Variants in DPYD observed in about 807,000 individuals in gnomAD.
DPYD encodes dihydropyrimidine dehydrogenase.
In DPYD, 109 loss-of-function variants were observed where a neutral mutation model predicts 116.2. The observed-to-expected ratio is 0.94, with a 90% confidence interval of 0.80 to 1.10. The LOEUF (loss-of-function observed/expected upper bound fraction) is 1.10, where lower values mean the gene tolerates loss of function less well. DPYD is among the 50% of genes least tolerant of loss of function. The pLI is 0.00. For missense variants in DPYD, 1,302 were observed against 1,254.5 expected (o/e 1.04, Z -0.57); for synonymous variants, 440 against 432.0 (o/e 1.02, Z -0.23).
chr1:97,752,195 T>G (rs1380358184), intron 3 of DPYD, among the ~76,000 whole-genome samples: 2 of 151,960 alleles, frequency 1.3e-5, no homozygotes, highest in Non-Finnish European at 2.9e-5. Flanking sequence ...AACTGTTGAG[T>G]TTCATGTGTG....
At chr1:97,368,697 ACTC>A (rs1292224769) in intron 16 of DPYD, among the ~76,000 whole-genome samples, 1 of 152,140 alleles carries the variant, frequency 6.6e-6, no homozygotes. Flanking sequence ...GTTCAGTAGA[ACTC>A]CTGGGGAAGG....
Position 97,883,367 on chromosome 1 carries a change from A to G in DPYD, c.47T>C (p.Leu16Pro), listed in dbSNP as rs764555085. 2 of 1,603,438 alleles carry G rather than the reference A, an allele frequency of 1.2e-6. No homozygotes were observed. Among genetic ancestry groups the G allele is most frequent in the Non-Finnish European group, 1.7e-6 (2 of 1,170,592 alleles). ...SKDSADIESI[L>P]ALNPRTQTHA... ...AGTTTGTGTTCGAGGATTTAAAGCC[A>G]GGATACTCTAAAGACAGCATAAACA... Residue 16 changes from leucine (L) to proline (P), a missense_variant, in exon 2 of 23, where the codon CTG becomes CCG. Leu to Pro is a moderately conservative substitution (Grantham distance 98). Transcript: ENST00000370192.
At chr1:97,451,064 T>C (rs927869548) in intron 13 of DPYD, among the ~76,000 whole-genome samples, 3 of 152,170 alleles carry the variant, frequency 2.0e-5, no homozygotes, top group Non-Finnish European at 4.4e-5. Context: ...GAATTAGTCA[T>C]TTAAGTACCC....
rs566707682 is a variant in DPYD, at chr1:97,805,435, A to T, written c.233+22679T>A. Among the ~76,000 whole-genome samples, 7 of 152,036 alleles carry T rather than the reference A, an allele frequency of 4.6e-5. No individual in the cohort carries two copies. In the South Asian group the frequency reaches 1.5e-3, roughly 32 times the overall value. ...ATTTTGCTTGAAATAAACAAAACAG[A>T]AAGTAAATTATTTTAAAAAGCACAG... On this transcript the variant is annotated intron_variant, in intron 3 of 22. Coordinates refer to ENST00000370192, the MANE Select transcript of DPYD (RefSeq NM_000110.4).
intron 13 of DPYD, among the ~76,000 whole-genome samples, chr1:97,486,423 C>T (rs768989821): frequency 1.3e-5 from 2 of 152,018 alleles, no homozygotes; most frequent in Admixed American, 6.6e-5. Flanking sequence ...TATGACAGAT[C>T]GTTCATAAGT....
chr1:97,293,982 C>T (rs1178246920), intron 18 of DPYD, among the ~76,000 whole-genome samples: 2 of 151,986 alleles, frequency 1.3e-5, no homozygotes, highest in Admixed American at 1.3e-4. Context: ...CTAAATGCTC[C>T]TGCTTGTATG....
intron 13 of DPYD, among the ~76,000 whole-genome samples, chr1:97,464,238 C>CAAAATAAAATAAAATAAAAT (rs145868186): frequency 0.04 from 5,609 of 138,592 alleles, 134 homozygotes; most frequent in Non-Finnish European, 0.058. Flanking sequence ...GACTCTGTCT[C>CAAAATAAAATAAAATAAAAT]AAAATAAAAT....
At chr1:97,471,734 C>T (rs904656502) in intron 13 of DPYD, among the ~76,000 whole-genome samples, 3 of 151,978 alleles carry the variant, frequency 2.0e-5, no homozygotes, top group East Asian at 3.9e-4. Context: ...GGATTACAGG[C>T]GCCCACCACC....
chr1:97,119,972 G>T (rs972562895), intron 20 of DPYD, among the ~76,000 whole-genome samples: 1 of 152,070 alleles, frequency 6.6e-6, no homozygotes, highest in Non-Finnish European at 1.5e-5. Flanking sequence ...CCACACAAAA[G>T]CTAAACGAAG....
chr1:97,369,701 G>A (rs1043161615), intron 16 of DPYD, among the ~76,000 whole-genome samples: 3 of 152,134 alleles, frequency 2.0e-5, no homozygotes, highest in South Asian at 4.1e-4. Context: ...AAAGCCGAAT[G>A]ATATTTTCAC....
chr1:97,519,154 T>G (rs2101985549), intron 12 of DPYD, among the ~76,000 whole-genome samples: 1 of 152,302 alleles, frequency 6.6e-6, no homozygotes, highest in South Asian at 2.1e-4. Context: ...TAGTTCATTT[T>G]TACACTGCTG....
chr1:97,608,253 A>G (rs1167960797), intron 8 of DPYD, among the ~76,000 whole-genome samples: 1 of 152,064 alleles, frequency 6.6e-6, no homozygotes, highest in African/African-American at 2.4e-5. Flanking sequence ...TTCTGAGTAA[A>G]TAATATAAAA....
At chr1:97,124,514 T>C (rs1196948593) in intron 20 of DPYD, among the ~76,000 whole-genome samples, 1 of 152,150 alleles carries the variant, frequency 6.6e-6, no homozygotes, top group African/African-American at 2.4e-5. Context: ...TAGGTCAGTG[T>C]CCACATAATA....
intron 16 of DPYD, among the ~76,000 whole-genome samples, chr1:97,371,296 G>A (rs778517553): frequency 3.9e-5 from 6 of 152,194 alleles, no homozygotes; most frequent in East Asian, 1.9e-4. Context: ...TGTCTAATTC[G>A]TGAAGCAAAT....
At chr1:97,398,399 T>A (rs1470771934) in intron 14 of DPYD, among the ~76,000 whole-genome samples, 2 of 152,208 alleles carry the variant, frequency 1.3e-5, no homozygotes, top group African/African-American at 4.8e-5. Context: ...TAGTGCCACA[T>A]TAAACATATG....
At chr1:97,268,201 G>A (rs886072119) in intron 18 of DPYD, among the ~76,000 whole-genome samples, 2 of 152,222 alleles carry the variant, frequency 1.3e-5, no homozygotes, top group East Asian at 1.9e-4. Context: ...CCTAGGGATT[G>A]GGCAGCCCTG....
At chr1:97,516,523 T>C (rs956616369) in intron 12 of DPYD, among the ~76,000 whole-genome samples, 4 of 152,032 alleles carry the variant, frequency 2.6e-5, no homozygotes, top group Non-Finnish European at 2.9e-5. Context: ...GGAAAGTGGG[T>C]AGTGTTCTCA....
At chr1:97,192,128 CTATT>C (rs904632510) in intron 20 of DPYD, among the ~76,000 whole-genome samples, 7 of 151,798 alleles carry the variant, frequency 4.6e-5, no homozygotes, top group African/African-American at 1.7e-4. Flanking sequence ...TTTTGGCTAT[CTATT>C]AGGAGAGGGA....
At chr1:97,767,760 T>TG (rs1410252927) in intron 3 of DPYD, among the ~76,000 whole-genome samples, 152 of 150,294 alleles carry the variant, frequency 1.0e-3, no homozygotes, top group African/African-American at 3.3e-3. Flanking sequence ...GCTGGCTTTT[T>TG]TTTTTTTTTT....
Sources: gnomAD v4.1 joint callset for allele counts (sites outside exome capture counted in the v4.1 genomes callset) on GRCh38, gnomAD v4.1.1 for gene constraint, MANE v1.5 for transcripts, NCBI Gene and HGNC (gene_info 2026-07-23, HGNC 2026-07-21) for gene names.